Variants in ACOXL observed in about 807,000 individuals in gnomAD.
The protein encoded by ACOXL is acyl-CoA oxidase like.
In ACOXL, 70 loss-of-function variants were observed where a neutral mutation model predicts 71.9. The observed-to-expected ratio is 0.97, with a 90% CI of 0.80 to 1.19. The LOEUF (loss-of-function observed/expected upper bound fraction) is 1.19. Among genes scored for constraint, ACOXL ranks in the 50% most tolerant of loss-of-function variants. ACOXL has a pLI of 0.00. For synonymous variants in ACOXL, 253 were observed against 281.6 expected, an observed-to-expected ratio of 0.90 and a Z score of 1.02; for missense variants, 703 against 736.3, an observed-to-expected ratio of 0.95 and a Z score of 0.52.
At chr2:110,771,524 C>T (rs1174049343) in intron 2 of ACOXL, among the ~76,000 whole-genome samples, 1 of 152,218 alleles carries the variant, frequency 6.6e-6, no homozygotes, top group Non-Finnish European at 1.5e-5. Context: ...CTCATTCACT[C>T]CAGGTCTCTA....
chr2:110,799,163 G>A lies in ACOXL; in HGVS notation c.547+63G>A. The stretch of plus-strand genomic sequence containing the variant: ...CCTACCTGCTCCCCACCTGACTCAA[G>A]GAGAATCTAACCTACGTTATATTAC... On this transcript the variant is annotated intron_variant, in intron 7 of 17. Transcript: ENST00000439055. 2.0e-6 allele frequency: 3 copies of A among 1,503,404 alleles called. No homozygotes were observed. In the South Asian group the frequency reaches 3.4e-5, roughly 17 times the overall value. 93.1% of individuals were successfully genotyped at this position (1,503,404 alleles called of 1,614,324 possible).
chr2:111,080,542 C>CA (rs1199269376), intron 16 of ACOXL, among the ~76,000 whole-genome samples: 1 of 151,826 alleles, frequency 6.6e-6, no homozygotes, highest in African/African-American at 2.4e-5. Context: ...GCCTATCAAC[C>CA]AAAAAAAGCC....
chr2:111,044,688 C>T (rs145530184), intron 15 of ACOXL, among the ~76,000 whole-genome samples: 4 of 152,262 alleles, frequency 2.6e-5, no homozygotes, highest in East Asian at 3.9e-4. Context: ...CCCCCTTATT[C>T]GAAACAGCAT....
intron 17 of ACOXL, among the ~76,000 whole-genome samples, chr2:111,112,551 G>A (rs1021454661): frequency 6.6e-6 from 1 of 152,234 alleles, no homozygotes; most frequent in Non-Finnish European, 1.5e-5. Flanking sequence ...TAAAGGGAAA[G>A]CAATTCTTCA....
At chr2:110,871,617 A>G (rs977253902) in intron 10 of ACOXL, among the ~76,000 whole-genome samples, 1 of 152,158 alleles carries the variant, frequency 6.6e-6, no homozygotes, top group Non-Finnish European at 1.5e-5. Context: ...CACTGCTACT[A>G]AGGTGAAGTT....
chr2:110,744,370 TAG>T (rs1325683791), intron 1 of ACOXL, among the ~76,000 whole-genome samples: 1 of 152,188 alleles, frequency 6.6e-6, no homozygotes, highest in Non-Finnish European at 1.5e-5. Context: ...GCAAAAAATG[TAG>T]AGAGGACAGA....
At chr2:111,059,730 A>G (rs1010653535) in intron 16 of ACOXL, among the ~76,000 whole-genome samples, 1 of 151,800 alleles carries the variant, frequency 6.6e-6, no homozygotes, top group African/African-American at 2.4e-5. Context: ...TTAGAGCTGA[A>G]GAAGCTGGCA....
intron 8 of ACOXL, among the ~76,000 whole-genome samples, chr2:110,803,369 A>G (rs912822471): frequency 6.6e-6 from 1 of 152,278 alleles, no homozygotes; most frequent in Admixed American, 6.5e-5. Context: ...AAATCCTTAC[A>G]GTTACAATCA....
intron 9 of ACOXL, among the ~76,000 whole-genome samples, chr2:110,828,754 G>A (rs1458239069): frequency 6.6e-6 from 1 of 152,096 alleles, no homozygotes; most frequent in African/African-American, 2.4e-5. Flanking sequence ...TGGGCTGGGG[G>A]GTGGAATTAA....
intron 8 of ACOXL, among the ~76,000 whole-genome samples, chr2:110,803,696 T>C (rs1435629478): frequency 6.6e-6 from 1 of 152,188 alleles, no homozygotes; most frequent in Admixed American, 6.5e-5. Context: ...TAAAAAACTT[T>C]TTGCATCAAA....
At chr2:110,903,260 G>A (rs1244231802) in intron 10 of ACOXL, among the ~76,000 whole-genome samples, 1 of 152,252 alleles carries the variant, frequency 6.6e-6, no homozygotes. Context: ...CCCAGAGGCT[G>A]CGCCTGCAGT....
chr2:111,095,232 A>C (rs1427081137), intron 17 of ACOXL, among the ~76,000 whole-genome samples: 2 of 151,466 alleles, frequency 1.3e-5, no homozygotes. Flanking sequence ...GAAAAAAAAA[A>C]AAAAACCTAC....
At chr2:111,049,125 T>C (rs2066159492) in intron 15 of ACOXL, 93 bp from the exon 16 acceptor site, 1 of 987,892 alleles carries the variant, frequency 1.0e-6, no homozygotes, top group Non-Finnish European at 1.6e-6. Context: ...GCATGCTGTT[T>C]ACGTCTGTTA....
intron 10 of ACOXL, among the ~76,000 whole-genome samples, chr2:110,889,486 G>C (rs975394325): frequency 6.6e-6 from 1 of 152,076 alleles, no homozygotes; most frequent in African/African-American, 2.4e-5. Flanking sequence ...TTCTTTAGTA[G>C]TCACTCCCAA....
intron 11 of ACOXL, among the ~76,000 whole-genome samples, chr2:110,917,490 G>A (rs2059908040): frequency 6.6e-6 from 1 of 152,206 alleles, no homozygotes; most frequent in Non-Finnish European, 1.5e-5. Context: ...TTGAAAACCA[G>A]CACAAGACAA....
At chr2:111,063,719 G>A (rs999053543) in intron 16 of ACOXL, among the ~76,000 whole-genome samples, 1 of 152,164 alleles carries the variant, frequency 6.6e-6, no homozygotes, top group Non-Finnish European at 1.5e-5. Flanking sequence ...CTAAAAACAA[G>A]GCAAAGTTTG....
At chr2:111,087,956 A>T (rs527973945) in intron 16 of ACOXL, among the ~76,000 whole-genome samples, 64 of 152,336 alleles carry the variant, frequency 4.2e-4, no homozygotes, top group African/African-American at 1.5e-3. Context: ...AGACAAAAAC[A>T]AACAACCCCA....
chr2:111,035,802 A>T (rs969215300), intron 15 of ACOXL, among the ~76,000 whole-genome samples: 1 of 152,178 alleles, frequency 6.6e-6, no homozygotes, highest in Non-Finnish European at 1.5e-5. Context: ...TTATTTCTGT[A>T]TGTTATCCAT....
chr2:110,857,683 T>TTTTA (rs796488558), intron 10 of ACOXL, among the ~76,000 whole-genome samples: 1 of 152,092 alleles, frequency 6.6e-6, no homozygotes, highest in South Asian at 2.1e-4. Context: ...GGCTAGAGTA[T>TTTTA]TTTATTTATT....
Sources: gnomAD v4.1 joint callset for allele counts (sites outside exome capture counted in the v4.1 genomes callset) on GRCh38, gnomAD v4.1.1 for gene constraint, MANE v1.5 for transcripts, NCBI Gene and HGNC (gene_info 2026-07-23, HGNC 2026-07-21) for gene names.